AUTS2: variants seen among roughly 807,000 people sequenced by gnomAD.
The protein encoded by AUTS2 is autism susceptibility gene 2 protein.
Under a neutral mutation model 112.4 loss-of-function variants are expected in AUTS2, and 17 were observed. The observed-to-expected ratio is 0.15, with a 90% CI of 0.10 to 0.23. The LOEUF is 0.23. Among genes scored for constraint, AUTS2 ranks in the 10% least tolerant of loss-of-function variants. The pLI is 1.00. For synonymous variants in AUTS2, 751 were observed against 702.7 expected (o/e 1.07, Z -1.09); for missense variants, 1,510 against 1,701.6 (o/e 0.89, Z 1.98).
chr7:70,090,387 G>A (rs528994849), intron 2 of AUTS2, among the ~76,000 whole-genome samples: 137 of 150,900 alleles, frequency 9.1e-4, no homozygotes, highest in South Asian at 1.5e-3. Context: ...TTCTTGAGAC[G>A]AAGTCTTGCT....
intron 1 of AUTS2, among the ~76,000 whole-genome samples, chr7:69,632,585 T>G: frequency 8.6e-6 from 1 of 115,722 alleles, no homozygotes; most frequent in African/African-American, 3.2e-5. Flanking sequence ...CTCTCCCCTC[T>G]CCCCTCTGCC....
intron 6 of AUTS2, among the ~76,000 whole-genome samples, chr7:70,744,612 C>T (rs1030046330): frequency 1.3e-5 from 2 of 152,164 alleles, no homozygotes; most frequent in Non-Finnish European, 2.9e-5. Context: ...CGCCTGGCTG[C>T]CGGGCGCATG....
chr7:70,537,342 C>T (rs1383517547), intron 5 of AUTS2, among the ~76,000 whole-genome samples: 1 of 152,164 alleles, frequency 6.6e-6, no homozygotes, highest in Non-Finnish European at 1.5e-5. Flanking sequence ...GCTGTTAAAT[C>T]AAAATTTTAG....
At chr7:70,038,518 A>C (rs1801107045) in intron 2 of AUTS2, among the ~76,000 whole-genome samples, 1 of 152,134 alleles carries the variant, frequency 6.6e-6, no homozygotes, top group Admixed American at 6.5e-5. Context: ...TAGGCTTTTA[A>C]AAATAGATTA....
chr7:70,572,002 A>G (rs967689601), intron 5 of AUTS2, among the ~76,000 whole-genome samples: 1 of 152,244 alleles, frequency 6.6e-6, no homozygotes. Context: ...GCAATAAAAT[A>G]TATGAGAGGA....
At position 70,763,130 on chromosome 7, in the gene AUTS2, C is replaced by T. The variant is rs1312250907; in HGVS notation, c.1003C>T (p.Pro335Ser). The T allele has an allele frequency of 2.5e-6, 4 of 1,613,890 alleles. No individual in the cohort carries two copies. The highest frequency in any genetic ancestry group is 2.2e-5 in the East Asian group (1 of 44,874). ...VQRTEAPPQP[P>S]PLSTQPPQGP... ...GCGCACAGAGGCCCCACCTCAACCC[C>T]CACCTCTGAGTACACAGCCACCACA... Residue 335 changes from proline to serine, a missense_variant, in exon 7 of 19, where the codon CCA becomes TCA. Pro to Ser is a moderately conservative substitution (Grantham distance 74). This residue lies in a region of AUTS2 where 535 missense variants were observed against 594.3 expected (regional missense o/e 0.90). Transcript: ENST00000342771.
intron 1 of AUTS2, among the ~76,000 whole-genome samples, chr7:69,866,655 A>C (rs1339275651): frequency 6.6e-6 from 1 of 152,144 alleles, no homozygotes; most frequent in African/African-American, 2.4e-5. Context: ...CTGGAATACA[A>C]TTTTTAGGTC....
At chr7:70,391,550 T>A (rs1793858066) in intron 4 of AUTS2, among the ~76,000 whole-genome samples, 1 of 152,138 alleles carries the variant, frequency 6.6e-6, no homozygotes, top group South Asian at 2.1e-4. Flanking sequence ...AGAATCACAA[T>A]CACGGAGTAT....
At chr7:70,628,153 T>C (rs1030584191) in intron 5 of AUTS2, among the ~76,000 whole-genome samples, 5 of 151,936 alleles carry the variant, frequency 3.3e-5, no homozygotes, top group Non-Finnish European at 7.4e-5. Flanking sequence ...ATGCGGGCAA[T>C]GTTGAGAGAC....
intron 5 of AUTS2, among the ~76,000 whole-genome samples, chr7:70,490,620 A>G (rs980352782): frequency 6.6e-6 from 1 of 152,176 alleles, no homozygotes; most frequent in Non-Finnish European, 1.5e-5. Context: ...CGAGACTGAC[A>G]GGTCACCAAT....
rs1405435617 is a variant in AUTS2 at position 69,871,111 on chromosome 7, G to A, written c.310-28175G>A. 2.6e-5 allele frequency among the ~76,000 whole-genome samples: 4 copies of A among 152,096 alleles called. No individual in the cohort carries two copies. In the South Asian group the frequency reaches 8.3e-4, roughly 32 times the overall value. The stretch of plus-strand genomic sequence containing the variant: ...ATTTAACCAACACTCTCTACCTTCA[G>A]ATTACAATGAGTAAGGAAGGACTGA... On this transcript the variant is annotated intron_variant, in intron 1 of 18. Transcript: ENST00000342771.
chr7:70,721,490 G>A (rs760957321), intron 6 of AUTS2, among the ~76,000 whole-genome samples: 8 of 152,042 alleles, frequency 5.3e-5, no homozygotes, highest in Non-Finnish European at 1.0e-4. Context: ...AGTAGAGACC[G>A]GTTTTCACCA....
intron 4 of AUTS2, among the ~76,000 whole-genome samples, chr7:70,403,865 T>C (rs1258706857): frequency 6.6e-6 from 1 of 152,204 alleles, no homozygotes; most frequent in African/African-American, 2.4e-5. Flanking sequence ...AGAGAGGTTT[T>C]GGAAGGAGAT....
rs944030279 is a variant in AUTS2, at chr7:70,791,707, C to T, written c.*711C>T. ...CATATTTTCCCTGAACAAGCGCTTA[C>T]GTGATATGACTCTGTTTTCCTTGCT... On this transcript the variant is annotated 3_prime_UTR_variant, in exon 19 of 19. Transcript: ENST00000342771. The T allele has an allele frequency of 2.6e-5, 4 of 152,564 alleles. No homozygotes were observed. The highest frequency in any genetic ancestry group is 1.9e-4 in the East Asian group (1 of 5,180). 9.5% of individuals were successfully genotyped at this position (152,564 alleles called of 1,614,324 possible). A position where few individuals can be genotyped will look rare whatever the true frequency, so the allele number is the denominator to read the frequency against.
intron 2 of AUTS2, among the ~76,000 whole-genome samples, chr7:69,950,979 C>CT (rs1050505787): frequency 1.6e-3 from 235 of 150,744 alleles, no homozygotes; most frequent in African/African-American, 5.0e-3. Context: ...CTCTTTCTCT[C>CT]TTTTTTTTTA....
chr7:70,172,156 A>G (rs753117132), intron 4 of AUTS2, among the ~76,000 whole-genome samples: 5 of 152,088 alleles, frequency 3.3e-5, no homozygotes, highest in Admixed American at 1.3e-4. Flanking sequence ...GAAAGCTGCA[A>G]ACTTCCTATA....
chr7:70,602,029 C>T (rs1035102670), intron 5 of AUTS2, among the ~76,000 whole-genome samples: 7 of 152,110 alleles, frequency 4.6e-5, no homozygotes, highest in Admixed American at 3.9e-4. Flanking sequence ...CATGTCCATC[C>T]CAACCCCCCA....
At chr7:70,610,468 T>C (rs2158616) in intron 5 of AUTS2, among the ~76,000 whole-genome samples, 20,433 of 136,108 alleles carry the variant, frequency 0.15, 2,060 homozygotes, top group African/African-American at 0.24. Flanking sequence ...CAGAGTCTCA[T>C]TCTGTTGCCC....
At chr7:70,330,923 T>C (rs1044879422) in intron 4 of AUTS2, among the ~76,000 whole-genome samples, 2 of 152,216 alleles carry the variant, frequency 1.3e-5, no homozygotes, top group Admixed American at 6.5e-5. Flanking sequence ...ATTTCCTTTT[T>C]AGATTGTTCA....
Sources: allele counts gnomAD v4.1 joint callset (sites outside exome capture counted in the v4.1 genomes callset), GRCh38; gene constraint gnomAD v4.1.1; regional missense constraint gnomAD v4.1.1; transcripts MANE v1.5; gene names NCBI Gene and HGNC (gene_info 2026-07-23, HGNC 2026-07-21).